Variants in OSBPL10 observed in about 807,000 individuals in gnomAD.
OSBPL10 encodes oxysterol binding protein like 10, also known as oxysterol-binding protein-related protein 10.
In OSBPL10, 49 loss-of-function variants were observed where a neutral mutation model predicts 81.7. The ratio of observed to expected loss-of-function variants is 0.60; its 90% CI spans 0.48 to 0.76. The LOEUF (loss-of-function observed/expected upper bound fraction) is 0.76, where lower values mean the gene tolerates loss of function less well. Among genes scored for constraint, OSBPL10 ranks in the 30% least tolerant of loss-of-function variants. OSBPL10 has a pLI of 0.00. For synonymous variants in OSBPL10, 419 were observed against 383.6 expected, an observed-to-expected ratio of 1.09 and a Z score of -1.08; for missense variants, 923 against 987.8, an observed-to-expected ratio of 0.93 and a Z score of 0.88.
At chr3:31,863,046 A>C (rs1309909059) in intron 3 of OSBPL10, among the ~76,000 whole-genome samples, 4 of 152,246 alleles carry the variant, frequency 2.6e-5, no homozygotes, top group Non-Finnish European at 5.9e-5. Flanking sequence ...GGGATTAAAA[A>C]TTATGCCATG....
chr3:31,879,477 A>C (rs1366962370), intron 2 of OSBPL10, 178 bp downstream of exon 2: 1 of 609,196 alleles, frequency 1.6e-6, no homozygotes, highest in Non-Finnish European at 2.8e-6. Context: ...AGTAATTCCT[A>C]ATGTCAGCTC....
At chr3:31,763,141 A>G (rs1207730802) in intron 4 of OSBPL10, among the ~76,000 whole-genome samples, 1 of 152,246 alleles carries the variant, frequency 6.6e-6, no homozygotes, top group African/African-American at 2.4e-5. Context: ...AAGAAAGGGT[A>G]AGGAATTGTT....
At chr3:31,666,828 TTC>T (rs374213751) in intron 10 of OSBPL10, among the ~76,000 whole-genome samples, 1 of 152,184 alleles carries the variant, frequency 6.6e-6, no homozygotes, top group African/African-American at 2.4e-5. Flanking sequence ...TGTGAATGTA[TTC>T]TCTCTCTGAA....
At chr3:31,863,739 T>C (rs1701110926) in intron 3 of OSBPL10, among the ~76,000 whole-genome samples, 1 of 152,208 alleles carries the variant, frequency 6.6e-6, no homozygotes, top group Non-Finnish European at 1.5e-5. Flanking sequence ...TCAGAAACAT[T>C]TTGCTTGTTA....
intron 2 of OSBPL10, among the ~76,000 whole-genome samples, chr3:32,039,884 G>A (rs2125557882): frequency 6.6e-6 from 1 of 152,206 alleles, no homozygotes; most frequent in South Asian, 2.1e-4. Flanking sequence ...ACCAAAGCCT[G>A]ACAAAGACAG....
chr3:31,844,089 G>A lies in OSBPL10; in HGVS notation c.538-13858C>T, dbSNP rs115056913. Among the ~76,000 whole-genome samples the A allele has an allele frequency of 4.1e-3, 628 of 152,302 alleles. 6 individuals are homozygous for A. The highest frequency in any genetic ancestry group is 0.014 in the African/African-American group (574 of 41,582). On this transcript the variant is annotated intron_variant, in intron 3 of 11. Coordinates refer to ENST00000396556, the MANE Select transcript of OSBPL10 (RefSeq NM_017784.5). ...GGCTGAGATTCTAACATTTTACACC[G>A]TAGGTACAAGATGCTGAACTAGGAT...
chr3:31,720,966 C>A (rs1212294314), intron 6 of OSBPL10, among the ~76,000 whole-genome samples: 1 of 150,384 alleles, frequency 6.6e-6, no homozygotes, highest in Non-Finnish European at 1.5e-5. Flanking sequence ...ATTAAGGTTG[C>A]AAATGGAATT....
At chr3:32,029,659 G>C (rs1333710603) in intron 2 of OSBPL10, among the ~76,000 whole-genome samples, 1 of 152,116 alleles carries the variant, frequency 6.6e-6, no homozygotes, top group Non-Finnish European at 1.5e-5. Flanking sequence ...TTTCCTCTTA[G>C]GGAGTTCAGC....
chr3:31,875,078 T>A (rs1701417703), intron 3 of OSBPL10, among the ~76,000 whole-genome samples: 1 of 84,310 alleles, frequency 1.2e-5, no homozygotes, highest in African/African-American at 5.2e-5. Context: ...CAAAATATAT[T>A]AAGTAAAAAA....
intron 2 of OSBPL10, among the ~76,000 whole-genome samples, chr3:32,024,273 T>A (rs900995674): frequency 3.3e-5 from 5 of 152,206 alleles, no homozygotes; most frequent in Non-Finnish European, 4.4e-5. Flanking sequence ...TGAGAAGAAT[T>A]CTGTTGAATG....
chr3:31,855,452 C>T (rs139865162), intron 3 of OSBPL10, among the ~76,000 whole-genome samples: 79 of 152,244 alleles, frequency 5.2e-4, no homozygotes, highest in African/African-American at 1.8e-3. Flanking sequence ...AAAATATTTA[C>T]TGTTGTTCTC....
intron 1 of OSBPL10, among the ~76,000 whole-genome samples, chr3:31,955,746 C>T (rs1352359014): frequency 1.3e-5 from 2 of 152,222 alleles, no homozygotes; most frequent in Non-Finnish European, 2.9e-5. Flanking sequence ...TCCAGCCCAG[C>T]TTCTAGTCTA....
intron 4 of OSBPL10, among the ~76,000 whole-genome samples, chr3:31,784,439 C>G (rs1698807536): frequency 6.6e-6 from 1 of 152,062 alleles, no homozygotes; most frequent in Non-Finnish European, 1.5e-5. Flanking sequence ...GAAAAAAACT[C>G]AGCTCACTGG....
intron 4 of OSBPL10, among the ~76,000 whole-genome samples, chr3:31,786,074 G>C (rs138213662): frequency 6.6e-6 from 1 of 152,308 alleles, no homozygotes; most frequent in African/African-American, 2.4e-5. Flanking sequence ...TAGAGGCAAA[G>C]ACCCAGGGAT....
At chr3:31,929,696 C>T (rs1482207871) in intron 1 of OSBPL10, among the ~76,000 whole-genome samples, 3 of 149,594 alleles carry the variant, frequency 2.0e-5, no homozygotes, top group South Asian at 4.2e-4. Context: ...TGCAGTGAGC[C>T]GAGATAGCGC....
At chr3:31,912,455 G>C (rs1015383547) in intron 1 of OSBPL10, among the ~76,000 whole-genome samples, 6 of 151,878 alleles carry the variant, frequency 4.0e-5, no homozygotes, top group African/African-American at 1.2e-4. Context: ...GCGGACATTA[G>C]TAAAGTTGAG....
intron 2 of OSBPL10, among the ~76,000 whole-genome samples, chr3:32,035,437 C>T (rs553376408): frequency 2.0e-5 from 3 of 151,892 alleles, no homozygotes; most frequent in African/African-American, 7.2e-5. Context: ...TGGTGCACGC[C>T]TGTAATCCTA....
chr3:32,024,454 C>A (rs1046669526), intron 2 of OSBPL10, among the ~76,000 whole-genome samples: 1 of 146,098 alleles, frequency 6.8e-6, no homozygotes, highest in African/African-American at 2.5e-5. Flanking sequence ...GTATTTTGTT[C>A]CTTTTGATTT....
intron 3 of OSBPL10, among the ~76,000 whole-genome samples, chr3:31,874,892 T>C (rs1430149510): frequency 1.3e-5 from 2 of 152,086 alleles, no homozygotes; most frequent in Non-Finnish European, 2.9e-5. Context: ...AGAATATATA[T>C]GCACAAAGAC....
Sources: allele counts gnomAD v4.1 joint callset (sites outside exome capture counted in the v4.1 genomes callset), GRCh38; gene constraint gnomAD v4.1.1; transcripts MANE v1.5; gene names NCBI Gene and HGNC (gene_info 2026-07-23, HGNC 2026-07-21).